The following RUNX3 variants were observed in gnomAD, a reference collection of about 807,000 sequenced individuals.
The protein encoded by RUNX3 is runt-related transcription factor 3.
RUNX3 carries 10 observed loss-of-function variants against 27.7 expected under a neutral mutation model. The observed-to-expected ratio is 0.36, with a 90% CI of 0.22 to 0.61. RUNX3 has a LOEUF of 0.61. Ranked by LOEUF, RUNX3 falls within the 20% of genes least tolerant of loss-of-function variation. The probability of loss-of-function intolerance (pLI) is 0.72; values close to 1 mark genes in which losing one functional copy is unlikely to be tolerated. For synonymous variants in RUNX3, 270 were observed against 269.2 expected (o/e 1.00, Z -0.03); for missense variants, 469 against 629.5 (o/e 0.75, Z 2.73).
Position 24,929,271 on chromosome 1 carries a change from C to G in RUNX3, c.282+316G>C, listed in dbSNP as rs567255156. On this transcript the variant is annotated intron_variant, in intron 1 of 4. Coordinates refer to ENST00000308873, the MANE Select transcript of RUNX3 (RefSeq NM_004350.3). The stretch of plus-strand genomic sequence containing the variant: ...ATCCTCTTCTCCGTTACCCGCAGGG[C>G]TGTATCTGAGCGATCCGGGTTAGGG... 6.8e-5 allele frequency: 41 copies of G among 606,902 alleles called. 1 individual carries two copies. Among genetic ancestry groups the G allele is most frequent in the South Asian group, 5.9e-4 (39 of 65,938 alleles). 37.6% of individuals were successfully genotyped at this position (606,902 alleles called of 1,614,324 possible).
intron 3 of RUNX3, among the ~76,000 whole-genome samples, chr1:24,911,098 G>A (rs1640787982): frequency 6.6e-6 from 1 of 152,226 alleles, no homozygotes; most frequent in Admixed American, 6.5e-5. Flanking sequence ...GAGGCCACTG[G>A]AAATGGCAGG....
In RUNX3 at chr1:24,904,693, CA is replaced by C. The variant is rs2124243391; in HGVS notation, c.704-2028del. ...GATACAACGGCAGGACTGTGCCCCT[CA>C]GAGCTCACGCGGGCTGCAGGGCGCT... On this transcript the variant is annotated intron_variant, in intron 4 of 4. Transcript: ENST00000308873. This position sits in a 1 kb window ranked among gnomAD's most constrained non-coding sequence, Gnocchi z 5.7. Among the ~76,000 whole-genome samples the C allele has an allele frequency of 6.6e-6, 1 of 152,266 alleles. No homozygotes were observed. The highest frequency in any genetic ancestry group is 2.4e-5 in the African/African-American group (1 of 41,566).
upstream of RUNX3, among the ~76,000 whole-genome samples, chr1:24,932,033 C>T (rs1415264713): frequency 2.6e-5 from 4 of 152,208 alleles, no homozygotes; most frequent in African/African-American, 9.6e-5. Context: ...CCAGGTAGGG[C>T]CCTGGCCGGG....
chr1:24,955,389 T>C (rs1014218038), intron 2 of RUNX3, among the ~76,000 whole-genome samples: 2 of 152,290 alleles, frequency 1.3e-5, no homozygotes, highest in African/African-American at 4.8e-5. Flanking sequence ...TTTCCTCTTC[T>C]TAAACATTAG....
chr1:24,916,819 C>T lies in RUNX3; in HGVS notation c.544+2421G>A, dbSNP rs942921916. Among the ~76,000 whole-genome samples the T allele has an allele frequency of 3.9e-5, 6 of 152,200 alleles. No individual in the cohort carries two copies. The highest frequency in any genetic ancestry group is 1.4e-4 in the African/African-American group (6 of 41,436). The stretch of plus-strand genomic sequence containing the variant: ...TGCCGGGGCCCAGAGAGGGAGGTCA[C>T]CTGTCTCAGGTGGTGCAGCAAGCCT... On this transcript the variant is annotated intron_variant, in intron 3 of 4. Transcript: ENST00000308873. This position sits in a 1 kb window ranked among gnomAD's most constrained non-coding sequence, Gnocchi z 4.8.
Position 24,929,851 on chromosome 1 carries a change from G to A in RUNX3, c.18C>T (p.Asp6=), listed in dbSNP as rs987057464. 1.5e-6 allele frequency: 2 copies of A among 1,375,616 alleles called. No homozygotes were observed. Among genetic ancestry groups the A allele is most frequent in the African/African-American group, 1.5e-5 (1 of 65,432 alleles). 85.2% of individuals were successfully genotyped at this position (1,375,616 alleles called of 1,614,324 possible). ...GTGTGAAGCGGCGGCTGGTGCTTGG[G>A]TCTACGGGAATACGCATAACAGCGG... MRIPV[D]PSTSRRFTPP... is the part of the protein sequence containing the mutation. Residue 6 remains aspartate, a synonymous_variant, in exon 1 of 5, where the codon GAC becomes GAT. Transcript: ENST00000308873.
intron 2 of RUNX3, among the ~76,000 whole-genome samples, chr1:24,952,581 G>A (rs1641793556): frequency 6.6e-6 from 1 of 152,216 alleles, no homozygotes; most frequent in African/African-American, 2.4e-5. Flanking sequence ...GAAATGGCAA[G>A]GGGAGTCAGA....
Position 24,916,890 on chromosome 1 carries a change from T to C in RUNX3, c.544+2350A>G, listed in dbSNP as rs760302675. 8.5e-5 allele frequency among the ~76,000 whole-genome samples: 13 copies of C among 152,140 alleles called. No homozygotes were observed. The highest frequency in any genetic ancestry group is 1.6e-4 in the Non-Finnish European group (11 of 68,016). ...TCCAGGCCCAGCCTCTGTCCCTCCC[T>C]CTTGTTGCCTCGTCCTGAGCCACGC... On this transcript the variant is annotated intron_variant, in intron 3 of 4. Coordinates refer to ENST00000308873, the MANE Select transcript of RUNX3 (RefSeq NM_004350.3). This position sits in a 1 kb window ranked among gnomAD's most constrained non-coding sequence, Gnocchi z 4.8.
In RUNX3 at chr1:24,943,853, G is replaced by A. The variant is rs61774733; in HGVS notation, c.59-14001C>T. Among the ~76,000 whole-genome samples, 24,786 of 152,088 alleles carry A rather than the reference G, an allele frequency of 0.16. 2,087 individuals are homozygous for A. The highest frequency in any genetic ancestry group is 0.23 in the South Asian group (1,130 of 4,820). ...CTGCTAGCACACAGGAAGTTCTTTTGAACATCTAACCTGAATCCCTCGTTT... is the reference window on the plus strand; with the variant it reads ...CTGCTAGCACACAGGAAGTTCTTTTAAACATCTAACCTGAATCCCTCGTTT... On this transcript the variant is annotated intron_variant, in intron 2 of 6. Coordinates refer to the RUNX3 transcript ENST00000338888. The surrounding 1 kb of genome is among the most constrained non-coding windows in gnomAD (Gnocchi z 4.6).
rs199877372 is a variant in RUNX3 at position 24,907,444 on chromosome 1, C to G, written c.545-27G>C. On this transcript the variant is annotated intron_variant, in intron 3 of 4. Coordinates refer to ENST00000308873, the MANE Select transcript of RUNX3 (RefSeq NM_004350.3). ...TGCAGAGCACAGGAAGCCCATCAGC[C>G]GTTGCTTCCCCAGAGTCTCAGTGGA... 1.7e-5 allele frequency: 27 copies of G among 1,596,502 alleles called. No individual in the cohort carries two copies. The East Asian group carries it at 6.1e-4, about 36-fold the overall frequency.
chr1:24,957,542 G>T (rs1374343925), intron 2 of RUNX3, among the ~76,000 whole-genome samples: 1 of 152,252 alleles, frequency 6.6e-6, no homozygotes, highest in Admixed American at 6.5e-5. Flanking sequence ...AAAGGGAAGG[G>T]CTGGGAAGGC....
chr1:24,923,338 G>GC lies in RUNX3; in HGVS notation c.440-3995dup, dbSNP rs1420157525. Among the ~76,000 whole-genome samples, 2 of 152,112 alleles carry GC rather than the reference G, an allele frequency of 1.3e-5. No individual in the cohort carries two copies. The highest frequency in any genetic ancestry group is 3.2e-3 in the Middle Eastern group (1 of 316). ...GTGGGAGAAAGCTGTCTCCCTGAGT[G>GC]CCCCTCAGCTACCCCGGCCCTGCCC... On this transcript the variant is annotated intron_variant, in intron 2 of 4. Transcript: ENST00000308873. This position sits in a 1 kb window ranked among gnomAD's most constrained non-coding sequence, Gnocchi z 5.9.
intron 3 of RUNX3, among the ~76,000 whole-genome samples, chr1:24,909,705 C>G (rs1202846492): frequency 1.3e-5 from 2 of 152,242 alleles, no homozygotes; most frequent in Non-Finnish European, 2.9e-5. Context: ...ATGCAACACT[C>G]CCGGGAACGT....
intron 2 of RUNX3, among the ~76,000 whole-genome samples, chr1:24,959,869 C>T (rs777460039): frequency 2.6e-5 from 4 of 152,188 alleles, no homozygotes; most frequent in Admixed American, 6.5e-5. Context: ...AGGGGGACCT[C>T]GGCCAGACCC....
At chr1:24,929,367 G>GC in intron 1 of RUNX3, 1 of 700,654 alleles carries the variant, frequency 1.4e-6, no homozygotes, top group Non-Finnish European at 2.6e-6. Flanking sequence ...CCCAGGTGGA[G>GC]CGGGGCAACC....
upstream of RUNX3, among the ~76,000 whole-genome samples, chr1:24,931,959 G>C (rs529958803): frequency 6.6e-6 from 1 of 152,366 alleles, no homozygotes; most frequent in Non-Finnish European, 1.5e-5. Context: ...AGAGGAAAGC[G>C]AGTGATCCAG....
At chr1:24,915,444 A>G (rs1310858280) in intron 3 of RUNX3, among the ~76,000 whole-genome samples, 1 of 152,112 alleles carries the variant, frequency 6.6e-6, no homozygotes, top group Non-Finnish European at 1.5e-5. Flanking sequence ...ACAAAACAAA[A>G]TGGGAGAAAT....
Position 24,902,030 on chromosome 1 carries a change from C to T in RUNX3, c.*92G>A. On this transcript the variant is annotated 3_prime_UTR_variant, in exon 5 of 5. Coordinates refer to ENST00000308873, the MANE Select transcript of RUNX3 (RefSeq NM_004350.3). The surrounding 1 kb of genome is among the most constrained non-coding windows in gnomAD (Gnocchi z 9.2). ...CCGAGACCACCCTGGAGCGCAGGTC[C>T]CATTCCCGCCCGGAGCCTCGGAGCC... 1 of 1,243,976 alleles carries T rather than the reference C, an allele frequency of 8.0e-7. No homozygotes were observed. Among genetic ancestry groups the T allele is most frequent in the Non-Finnish European group, 1.1e-6 (1 of 922,226 alleles). 77.1% of individuals were successfully genotyped at this position (1,243,976 alleles called of 1,614,324 possible). A position where few individuals can be genotyped will look rare whatever the true frequency, so the allele number is the denominator to read the frequency against.
upstream of RUNX3, among the ~76,000 whole-genome samples, chr1:24,934,433 G>A (rs917481453): frequency 2.6e-5 from 4 of 152,196 alleles, no homozygotes; most frequent in Admixed American, 1.3e-4. Flanking sequence ...GGGAGAGCAG[G>A]GTGGTGAGGG....
Sources: allele counts gnomAD v4.1 joint callset (sites outside exome capture counted in the v4.1 genomes callset), GRCh38; gene constraint gnomAD v4.1.1; non-coding constraint Gnocchi (gnomAD v3.1); transcripts MANE v1.5; gene names NCBI Gene and HGNC (gene_info 2026-07-23, HGNC 2026-07-21).